PCLO: variants seen among roughly 807,000 people sequenced by gnomAD.
The protein encoded by PCLO is piccolo presynaptic cytomatrix protein.
A neutral mutation model predicts 427.5 loss-of-function variants in PCLO; 82 were observed. The observed-to-expected ratio is 0.19, with a 90% CI of 0.16 to 0.23. PCLO has a LOEUF of 0.23. PCLO is among the 10% of genes least tolerant of loss of function. The pLI is 1.00. For synonymous variants in PCLO, 2,357 were observed against 2,155.4 expected (o/e 1.09, Z -2.59); for missense variants, 6,239 against 6,115.9 (o/e 1.02, Z -0.67).
At chr7:83,124,093 G>A (rs912681975) in intron 3 of PCLO, among the ~76,000 whole-genome samples, 26 of 151,508 alleles carry the variant, frequency 1.7e-4, no homozygotes, top group African/African-American at 6.0e-4. Flanking sequence ...GGCGGATCAT[G>A]AGGTCAGGAA....
chr7:83,008,782 A>G (rs1788008909), intron 3 of PCLO, among the ~76,000 whole-genome samples: 2 of 151,760 alleles, frequency 1.3e-5, no homozygotes, highest in Non-Finnish European at 3.0e-5. Flanking sequence ...ATCAATTATC[A>G]TATTGGTATA....
Position 82,956,561 on chromosome 7 carries a change from T to C in PCLO, c.4392A>G (p.Ser1464=). The C allele has an allele frequency of 1.2e-6, 2 of 1,612,792 alleles. No homozygotes were observed. The highest frequency in any genetic ancestry group is 2.2e-5 in the South Asian group (2 of 90,914). ...CTTGACTCTCTTTGATCTCCTCTTC[T>C]GAAATAGTAATTTCCAAGGTTTCAG... ...SLSETLEITI[S]EEEIKESQEE... is the part of the protein sequence containing the mutation. Residue 1464 remains serine (S), a synonymous_variant, in exon 5 of 25, where the codon TCA becomes TCG. Coordinates refer to ENST00000333891, the MANE Select transcript of PCLO (RefSeq NM_033026.6).
chr7:82,782,402 G>A (rs1790892152), intron 22 of PCLO, among the ~76,000 whole-genome samples: 1 of 152,142 alleles, frequency 6.6e-6, no homozygotes, highest in African/African-American at 2.4e-5. Context: ...CTCAGTTACA[G>A]CATGCAAACT....
chr7:82,960,878 G>A (rs1314768911), intron 4 of PCLO, among the ~76,000 whole-genome samples: 7 of 152,096 alleles, frequency 4.6e-5, no homozygotes, highest in Admixed American at 4.6e-4. Context: ...AAGAGAGATG[G>A]ATAATTATAA....
intron 6 of PCLO, among the ~76,000 whole-genome samples, chr7:82,940,521 C>A (rs1424197870): frequency 6.6e-6 from 1 of 152,032 alleles, no homozygotes; most frequent in Non-Finnish European, 1.5e-5. Flanking sequence ...GTTTTTCACA[C>A]ATTTATATTT....
rs556618456 is a variant in PCLO, at chr7:82,855,605, A to G, written c.13655-8358T>C. On this transcript the variant is annotated intron_variant, in intron 10 of 24. Coordinates refer to ENST00000333891, the MANE Select transcript of PCLO (RefSeq NM_033026.6). ...GCTTGGACATGCAAAAACTGAAGAC[A>G]TTATTGAACGAAGAGAAAGTTGCTG... 2.6e-5 allele frequency among the ~76,000 whole-genome samples: 4 copies of G among 152,270 alleles called. No individual in the cohort carries two copies. In the South Asian group the frequency reaches 8.3e-4, roughly 32 times the overall value.
chr7:82,841,314 T>C (rs1307993876), intron 14 of PCLO, 145 bp downstream of exon 14: 11 of 645,958 alleles, frequency 1.7e-5, no homozygotes, highest in Admixed American at 2.9e-5. Context: ...AATATACTAT[T>C]CTATAAAATT....
In PCLO at chr7:83,134,313, G is replaced by C. The variant is rs772230427; in HGVS notation, c.3237C>G (p.Cys1079Trp). Residue 1079 changes from cysteine to tryptophan, a missense_variant, in exon 3 of 25, where the codon TGC becomes TGG. By Grantham distance (215) the Cys-to-Trp change is radical. Coordinates refer to ENST00000333891, the MANE Select transcript of PCLO (RefSeq NM_033026.6). ...TACACACTTGATTCTTGCATTCAGT[G>C]CAAGTATTGAAGTTAGGAGGATCCT... ...GSKDPPNFNT[C>W]TECKNQVCNL... is the part of the protein sequence containing the mutation. 8 of 1,600,824 alleles carry C rather than the reference G, an allele frequency of 5.0e-6. No individual in the cohort carries two copies. The highest frequency in any genetic ancestry group is 1.3e-5 in the African/African-American group (1 of 74,726).
intron 10 of PCLO, among the ~76,000 whole-genome samples, chr7:82,867,597 C>A (rs1444944423): frequency 6.6e-6 from 1 of 152,088 alleles, no homozygotes; most frequent in African/African-American, 2.4e-5. Context: ...GCAGTCTATT[C>A]CAAGAAATAT....
chr7:82,790,782 T>G (rs958183125), intron 22 of PCLO, among the ~76,000 whole-genome samples: 1 of 152,348 alleles, frequency 6.6e-6, no homozygotes, highest in African/African-American at 2.4e-5. Flanking sequence ...TATGTAGTTT[T>G]TAATTGAAGT....
chr7:82,981,875 A>AT (rs971275016), intron 3 of PCLO, among the ~76,000 whole-genome samples: 2 of 151,952 alleles, frequency 1.3e-5, no homozygotes, highest in East Asian at 1.9e-4. Context: ...TGTAGGTGTC[A>AT]TTTTTTTTCC....
intron 20 of PCLO, chr7:82,821,031 C>T: frequency 1.7e-6 from 2 of 1,199,536 alleles, no homozygotes; most frequent in Non-Finnish European, 2.1e-6. Context: ...TTTTATCAGA[C>T]AATCTCTAAA....
intron 3 of PCLO, among the ~76,000 whole-genome samples, chr7:83,077,910 A>G (rs532934440): frequency 6.6e-6 from 1 of 152,158 alleles, no homozygotes; most frequent in Non-Finnish European, 1.5e-5. Context: ...GCAGACGCTT[A>G]ATGGGAAATA....
chr7:82,831,884 C>A (rs993403664), intron 16 of PCLO, among the ~76,000 whole-genome samples: 1 of 152,150 alleles, frequency 6.6e-6, no homozygotes, highest in African/African-American at 2.4e-5. Context: ...TCATATCATA[C>A]ACAATTTCAA....
At chr7:82,941,639 C>T (rs369802247) in intron 6 of PCLO, among the ~76,000 whole-genome samples, 2 of 152,140 alleles carry the variant, frequency 1.3e-5, no homozygotes, top group East Asian at 1.9e-4. Flanking sequence ...ATGAAAGTAT[C>T]GTTTTAATGT....
intron 3 of PCLO, among the ~76,000 whole-genome samples, chr7:82,978,547 A>C (rs754395633): frequency 5.9e-5 from 9 of 152,132 alleles, no homozygotes; most frequent in Non-Finnish European, 1.0e-4. Flanking sequence ...TTTTGCTCTT[A>C]GAAGAATCAA....
chr7:83,096,968 TATATTATATATTATATAA>T lies in PCLO; in HGVS notation c.3300+37264_3300+37281del, dbSNP rs1562962342. ...ATATTATATAAATAATATAATATAA[TATATTATATATTATATAA>T]ATAATATATATTATATAAATAATAT... On this transcript the variant is annotated intron_variant, in intron 3 of 24. Transcript: ENST00000333891. Among the ~76,000 whole-genome samples, 56 of 52,760 alleles carry T rather than the reference TATATTATATATTATATAA, an allele frequency of 1.1e-3. 9 individuals carry two copies. The highest frequency in any genetic ancestry group is 5.1e-3 in the African/African-American group (56 of 11,006). 34.6% of individuals were successfully genotyped at this position (52,760 alleles called of 152,430 possible).
Position 83,155,252 on chromosome 7 carries a change from C to A in PCLO, c.1389G>T (p.Gln463His), listed in dbSNP as rs764725072. 1.9e-6 allele frequency: 3 copies of A among 1,613,650 alleles called. No homozygotes were observed. Among genetic ancestry groups the A allele is most frequent in the Non-Finnish European group, 2.5e-6 (3 of 1,179,816 alleles). ...GTGAAGGAGGCTTTGTTGGGCCAGT[C>A]TGCTGGGCAGAAGTCTTTCCGGGTC... ...QAGPGKTSAQ[Q>H]TGPTKPPSQL... The change falls in exon 2 of 25, where the codon CAG becomes CAT. Residue 463 changes from glutamine (Q) to histidine (H), a missense_variant. Around this residue, in one of 5 missense-constraint regions of PCLO, gnomAD observed 4,677 missense variants for 4,468.4 expected, o/e 1.05. Transcript: ENST00000333891.
At chr7:82,785,165 T>C (rs934865066) in intron 22 of PCLO, among the ~76,000 whole-genome samples, 3 of 152,198 alleles carry the variant, frequency 2.0e-5, no homozygotes, top group African/African-American at 7.2e-5. Flanking sequence ...GGAAGACAAT[T>C]ATTCCATGGA....
Sources: allele counts gnomAD v4.1 joint callset (sites outside exome capture counted in the v4.1 genomes callset), GRCh38; gene constraint gnomAD v4.1.1; regional missense constraint gnomAD v4.1.1; transcripts MANE v1.5; gene names NCBI Gene and HGNC (gene_info 2026-07-23, HGNC 2026-07-21).